Variants in FGF14 observed in about 807,000 individuals in gnomAD.
FGF14 encodes fibroblast growth factor 14, also known as fibroblast growth factor homologous factor 4.
FGF14 carries 5 observed loss-of-function variants against 25.5 expected under a neutral mutation model. The ratio of observed to expected loss-of-function variants is 0.20; its 90% CI spans 0.10 to 0.41. The LOEUF is 0.41. Ranked by LOEUF, FGF14 falls within the 10% of genes least tolerant of loss-of-function variation. The pLI is 1.00. For synonymous variants in FGF14, 138 were observed against 118.3 expected (o/e 1.17, Z -1.08); for missense variants, 222 against 320.1 (o/e 0.69, Z 2.34).
intron 1 of FGF14, among the ~76,000 whole-genome samples, chr13:102,085,252 G>T (rs1179621666): frequency 6.7e-6 from 1 of 149,938 alleles, no homozygotes; most frequent in East Asian, 1.9e-4. Context: ...TGGTGGGGGA[G>T]GGGGAGGAAG....
At chr13:101,951,193 G>A (rs1329351371) in intron 1 of FGF14, among the ~76,000 whole-genome samples, 1 of 152,096 alleles carries the variant, frequency 6.6e-6, no homozygotes, top group Non-Finnish European at 1.5e-5. Flanking sequence ...CTTTATTAAG[G>A]AACAAACATG....
At chr13:102,013,795 T>C (rs974194494) in intron 1 of FGF14, among the ~76,000 whole-genome samples, 5 of 152,284 alleles carry the variant, frequency 3.3e-5, no homozygotes, top group Admixed American at 3.3e-4. Flanking sequence ...GTTCGGACAA[T>C]TGTGTCAAAT....
rs2034928409 is a variant in FGF14, at chr13:101,720,883, G to A, written c.*1948C>T. 6.6e-6 allele frequency: 1 copy of A among 152,064 alleles called. No homozygotes were observed. The highest frequency in any genetic ancestry group is 2.1e-4 in the South Asian group (1 of 4,818). 9.4% of individuals were successfully genotyped at this position (152,064 alleles called of 1,614,324 possible). A position where few individuals can be genotyped will look rare whatever the true frequency, so the allele number is the denominator to read the frequency against. On this transcript the variant is annotated 3_prime_UTR_variant, in exon 5 of 5. Coordinates refer to ENST00000376143, the MANE Select transcript of FGF14 (RefSeq NM_004115.4). Reference sequence around the variant, plus strand: ...TGCTAACTTTTTATTTATTCAAGTAGAATCCAATATGAAAATGAAATAAGC... The same window carrying A: ...TGCTAACTTTTTATTTATTCAAGTAAAATCCAATATGAAAATGAAATAAGC...
chr13:101,778,042 G>A (rs1358214945), intron 3 of FGF14, among the ~76,000 whole-genome samples: 1 of 152,090 alleles, frequency 6.6e-6, no homozygotes. Context: ...ACATATGCTC[G>A]GAAGCACATC....
In FGF14 at chr13:102,185,323, G is replaced by A. The variant is rs1282822242; in HGVS notation, c.208+216148C>T. 2.0e-5 allele frequency among the ~76,000 whole-genome samples: 3 copies of A among 152,190 alleles called. 1 individual carries two copies. The stretch of plus-strand genomic sequence containing the variant: ...TATGTTCATGAGAAGAAAGGTAACA[G>A]GAAAACGATATTTTTATTTATACTG... On this transcript the variant is annotated intron_variant, in intron 1 of 4. Transcript: ENST00000376131.
At chr13:102,276,513 C>G (rs2053560381) in intron 1 of FGF14, among the ~76,000 whole-genome samples, 1 of 151,668 alleles carries the variant, frequency 6.6e-6, no homozygotes, top group Non-Finnish European at 1.5e-5. Flanking sequence ...GACCATCAAA[C>G]AGAAATTCTC....
At chr13:101,783,866 A>G (rs1351628331) in intron 3 of FGF14, among the ~76,000 whole-genome samples, 1 of 152,174 alleles carries the variant, frequency 6.6e-6, no homozygotes, top group Non-Finnish European at 1.5e-5. Context: ...ATGGTGCAAG[A>G]AAAGGGCCCA....
intron 1 of FGF14, among the ~76,000 whole-genome samples, chr13:101,937,177 A>G (rs1163772995): frequency 2.0e-5 from 3 of 152,178 alleles, no homozygotes; most frequent in South Asian, 4.1e-4. Context: ...CTTTTTATGG[A>G]TTAGTGGAAC....
At chr13:101,850,185 G>C (rs1422588422) in intron 3 of FGF14, among the ~76,000 whole-genome samples, 1 of 145,002 alleles carries the variant, frequency 6.9e-6, no homozygotes, top group Non-Finnish European at 1.5e-5. Flanking sequence ...TATAATCCCA[G>C]CACTTTGGGA....
In FGF14 at chr13:101,719,462, A is replaced by G. The variant is rs144388911; in HGVS notation, c.*3369T>C. The G allele has an allele frequency of 4.1e-4, 62 of 152,212 alleles. 1 individual carries two copies. Among genetic ancestry groups the G allele is most frequent in the African/African-American group, 1.4e-3 (58 of 41,556 alleles). The allele number at this position is 152,212 out of a possible 1,614,324, so 9.4% of individuals were successfully genotyped here. ...ATCTCCAAATTCTTCAGGATTTGTA[A>G]TGAAATGATGTTCAGTTCCATTTTG... On this transcript the variant is annotated 3_prime_UTR_variant, in exon 5 of 5. Coordinates refer to ENST00000376143, the MANE Select transcript of FGF14 (RefSeq NM_004115.4).
At chr13:102,235,106 A>C (rs944252960) in intron 1 of FGF14, among the ~76,000 whole-genome samples, 6 of 152,214 alleles carry the variant, frequency 3.9e-5, no homozygotes, top group African/African-American at 1.4e-4. Context: ...TTTACTCACA[A>C]AGTCTACTGC....
intron 1 of FGF14, among the ~76,000 whole-genome samples, chr13:102,043,406 G>C (rs959471239): frequency 6.6e-6 from 1 of 152,220 alleles, no homozygotes; most frequent in East Asian, 1.9e-4. Flanking sequence ...CAAACAACAG[G>C]TTTCATCCAA....
intron 3 of FGF14, among the ~76,000 whole-genome samples, chr13:101,855,553 A>C (rs964648374): frequency 6.6e-6 from 1 of 151,936 alleles, no homozygotes; most frequent in Non-Finnish European, 1.5e-5. Context: ...TGATAATTGA[A>C]ATTAAGTCCT....
intron 1 of FGF14, among the ~76,000 whole-genome samples, chr13:102,291,575 T>C (rs750729321): frequency 6.6e-6 from 1 of 152,138 alleles, no homozygotes; most frequent in Non-Finnish European, 1.5e-5. Flanking sequence ...TAAATAACAT[T>C]TTTTAGAACC....
At chr13:101,883,791 G>A (rs1306732846) in intron 1 of FGF14, among the ~76,000 whole-genome samples, 2 of 151,940 alleles carry the variant, frequency 1.3e-5, no homozygotes, top group African/African-American at 4.8e-5. Flanking sequence ...GGCCAGGTAT[G>A]GTGGCTCACA....
chr13:102,029,173 TTGTG>T (rs1333630423), intron 1 of FGF14, among the ~76,000 whole-genome samples: 2 of 152,058 alleles, frequency 1.3e-5, no homozygotes, highest in South Asian at 4.1e-4. Context: ...CTCATGTTGC[TTGTG>T]TGTGTGTCTT....
At chr13:102,266,369 G>A (rs2052994008) in intron 1 of FGF14, among the ~76,000 whole-genome samples, 1 of 152,044 alleles carries the variant, frequency 6.6e-6, no homozygotes, top group Non-Finnish European at 1.5e-5. Context: ...GCATACCGAG[G>A]TCACCATATC....
chr13:101,966,813 T>C (rs1031967787), intron 1 of FGF14, among the ~76,000 whole-genome samples: 1 of 152,152 alleles, frequency 6.6e-6, no homozygotes, highest in Non-Finnish European at 1.5e-5. Flanking sequence ...CAGTTGTTGA[T>C]GCTTTCTTAG....
chr13:102,372,320 T>C (rs2057908975), intron 1 of FGF14, among the ~76,000 whole-genome samples: 1 of 152,164 alleles, frequency 6.6e-6, no homozygotes, highest in Non-Finnish European at 1.5e-5. Context: ...AAATAATGAA[T>C]AAATATAAAA....
Sources: allele counts gnomAD v4.1 joint callset (sites outside exome capture counted in the v4.1 genomes callset), GRCh38; gene constraint gnomAD v4.1.1; transcripts MANE v1.5; gene names NCBI Gene and HGNC (gene_info 2026-07-23, HGNC 2026-07-21).